Variants in NQO2 observed in about 807,000 individuals in gnomAD.
NQO2 encodes N-ribosyldihydronicotinamide:quinone dehydrogenase 2.
Under a neutral mutation model 22.0 loss-of-function variants are expected in NQO2, and 18 were observed. That is an observed-to-expected ratio of 0.82 (90% CI 0.56 to 1.21). The LOEUF is 1.21. Ranked by LOEUF, NQO2 falls within the 50% of genes most tolerant of loss-of-function variation. The pLI is 0.00. For missense variants in NQO2, 267 were observed against 286.9 expected (o/e 0.93, Z 0.50); for synonymous variants, 106 against 110.8 (o/e 0.96, Z 0.28).
In NQO2 at chr6:3,006,466, A is replaced by G; in HGVS notation, c.-85-2A>G. 1 of 1,605,720 alleles carries G rather than the reference A, an allele frequency of 6.2e-7. No individual in the cohort carries two copies. The highest frequency in any genetic ancestry group is 8.5e-7 in the Non-Finnish European group (1 of 1,176,540). On this transcript the variant is annotated splice_acceptor_variant, in intron 1 of 6. Coordinates refer to ENST00000380455, the MANE Select transcript of NQO2 (RefSeq NM_000904.6). LOFTEE classifies it low-confidence loss of function (5UTR_SPLICE). This position sits in a 1 kb window ranked among gnomAD's most constrained non-coding sequence, Gnocchi z 4.0. ...CCCCTCTGGGTTCGTTTTGTCTTCC[A>G]GATTGCTGGACTCGCTGAAGAGAGA...
At chr6:3,010,384 C>T (rs776736243) in intron 3 of NQO2, among the ~76,000 whole-genome samples, 195 bp downstream of exon 3, 27 of 151,782 alleles carry the variant, frequency 1.8e-4, no homozygotes, top group Non-Finnish European at 3.8e-4. Flanking sequence ...GTTCCCAAGA[C>T]CACACATAAG....
chr6:3,018,406 GA>G (rs1231426661), intron 6 of NQO2, among the ~76,000 whole-genome samples: 2 of 152,220 alleles, frequency 1.3e-5, no homozygotes, highest in African/African-American at 2.4e-5. Flanking sequence ...TTGGGAGGCT[GA>G]GGCAGCAGAA....
chr6:3,010,471 C>T (rs569167780), intron 3 of NQO2, among the ~76,000 whole-genome samples: 1 of 151,896 alleles, frequency 6.6e-6, no homozygotes, highest in South Asian at 2.1e-4. Flanking sequence ...TACCCAGCAC[C>T]AGCTGTGTGG....
Position 3,010,206 on chromosome 6 carries a change from A to G in NQO2, c.172+17A>G, listed in dbSNP as rs776710637. ...ATATCACTGGTGAGTCATGGGATAAATGCTCTATTTATAAAAACCATCTTT... is the reference window on the plus strand; with the variant it reads ...ATATCACTGGTGAGTCATGGGATAAGTGCTCTATTTATAAAAACCATCTTT... On this transcript the variant is annotated intron_variant, in intron 3 of 6. Transcript: ENST00000380455. The G allele has an allele frequency of 1.3e-6, 2 of 1,549,434 alleles. No homozygotes were observed. The highest frequency in any genetic ancestry group is 4.1e-5 in the Admixed American group (2 of 49,222).
At chr6:3,008,747 G>C (rs1757040596) in intron 2 of NQO2, among the ~76,000 whole-genome samples, 1 of 152,170 alleles carries the variant, frequency 6.6e-6, no homozygotes, top group Non-Finnish European at 1.5e-5. Context: ...GTACAAAAGA[G>C]AGAAATTTTA....
chr6:3,011,649 A>G (rs976620094), intron 3 of NQO2, among the ~76,000 whole-genome samples: 2 of 152,012 alleles, frequency 1.3e-5, no homozygotes, highest in African/African-American at 4.8e-5. Flanking sequence ...AAGGCATATA[A>G]TTATTAAACT....
intron 1 of NQO2, chr6:3,001,936 T>C (rs1000751454): frequency 6.6e-6 from 1 of 152,158 alleles, no homozygotes; most frequent in Non-Finnish European, 1.5e-5. Flanking sequence ...AGAGCCTGTG[T>C]TGGAGTCTTT....
intron 6 of NQO2, among the ~76,000 whole-genome samples, chr6:3,018,817 T>C (rs777500111): frequency 1.3e-5 from 2 of 150,768 alleles, no homozygotes; most frequent in Non-Finnish European, 1.5e-5. Context: ...CAAATTCTTC[T>C]TGCTTTTAAA....
At chr6:3,000,988 G>T (rs903081960) in intron 1 of NQO2, among the ~76,000 whole-genome samples, 1 of 151,782 alleles carries the variant, frequency 6.6e-6, no homozygotes, top group Non-Finnish European at 1.5e-5. Flanking sequence ...GATTACAGGC[G>T]CCTGCCACCA....
At chr6:3,015,709 A>G in intron 5 of NQO2, 66 bp downstream of exon 5, 13 of 1,426,954 alleles carry the variant, frequency 9.1e-6, no homozygotes, top group Non-Finnish European at 1.2e-5. Context: ...TGCGTCTTCT[A>G]TCAAGTTATA....
intron 6 of NQO2, among the ~76,000 whole-genome samples, chr6:3,017,769 T>C (rs949040937): frequency 6.6e-6 from 1 of 152,094 alleles, no homozygotes; most frequent in African/African-American, 2.4e-5. Flanking sequence ...CAACTGTTCT[T>C]CCAGGTTGTT....
chr6:3,002,747 C>CT (rs774254698), intron 1 of NQO2, among the ~76,000 whole-genome samples: 37 of 147,118 alleles, frequency 2.5e-4, no homozygotes, highest in Admixed American at 6.1e-4. Flanking sequence ...ACCATCCACT[C>CT]TTTTTTTTTT....
Position 3,006,330 on chromosome 6 carries a change from G to C in NQO2, c.-85-138G>C. The C allele has an allele frequency of 7.4e-7, 1 of 1,359,836 alleles. No homozygotes were observed. Among genetic ancestry groups the C allele is most frequent in the Non-Finnish European group, 9.5e-7 (1 of 1,052,990 alleles). 84.2% of individuals were successfully genotyped at this position (1,359,836 alleles called of 1,614,324 possible). A position where few individuals can be genotyped will look rare whatever the true frequency, so the allele number is the denominator to read the frequency against. ...TCCTCTGAGGCCTAAATCTCCAGAA[G>C]ATTCCTGGCCTCTCTTGAGAGGTCT... On this transcript the variant is annotated intron_variant, in intron 1 of 6. Coordinates refer to ENST00000380455, the MANE Select transcript of NQO2 (RefSeq NM_000904.6). The surrounding 1 kb of genome is among the most constrained non-coding windows in gnomAD (Gnocchi z 4.0).
chr6:3,017,342 G>A (rs1000744898), intron 6 of NQO2, among the ~76,000 whole-genome samples: 2 of 152,168 alleles, frequency 1.3e-5, no homozygotes, highest in African/African-American at 4.8e-5. Context: ...GTTGTGATAC[G>A]TGCGGGTGGA....
intron 6 of NQO2, among the ~76,000 whole-genome samples, chr6:3,017,997 T>C (rs1306933576): frequency 3.9e-5 from 6 of 152,240 alleles, no homozygotes; most frequent in African/African-American, 1.4e-4. Flanking sequence ...CACAATGATT[T>C]TTCCTTCTAC....
intron 6 of NQO2, 55 bp downstream of exon 6, chr6:3,017,040 A>G (rs1757353444): frequency 1.3e-6 from 2 of 1,575,014 alleles, no homozygotes; most frequent in Non-Finnish European, 8.6e-7. Context: ...ACACAGACAC[A>G]CACATGCACA....
intron 5 of NQO2, among the ~76,000 whole-genome samples, chr6:3,016,386 G>T (rs1482126684): frequency 7.1e-6 from 1 of 139,902 alleles, no homozygotes; most frequent in Admixed American, 7.6e-5. Flanking sequence ...AGCCAAAATC[G>T]CACCATTGCA....
At chr6:3,015,669 T>G in intron 5 of NQO2, 26 bp downstream of exon 5, 1 of 1,605,164 alleles carries the variant, frequency 6.2e-7, no homozygotes, top group Non-Finnish European at 8.5e-7. Context: ...TAAGGATCAC[T>G]ATGGATAGTT....
At chr6:3,005,560 C>T (rs1025150532) in intron 1 of NQO2, 1 of 732,862 alleles carries the variant, frequency 1.4e-6, no homozygotes, top group Non-Finnish European at 1.7e-6. Context: ...CCTACACAAG[C>T]CTTCTGCCCA....
Sources: gnomAD v4.1 joint callset for allele counts (sites outside exome capture counted in the v4.1 genomes callset) on GRCh38, gnomAD v4.1.1 for gene constraint, Gnocchi (gnomAD v3.1) non-coding constraint, MANE v1.5 for transcripts, NCBI Gene and HGNC (gene_info 2026-07-23, HGNC 2026-07-21) for gene names.